Variants in MVK observed in about 807,000 individuals in gnomAD.
MVK encodes the protein LH receptor mRNA-binding protein.
Under a neutral mutation model 43.2 loss-of-function variants are expected in MVK, and 34 were observed. That is an observed-to-expected ratio of 0.79 (90% CI 0.60 to 1.05). MVK has a LOEUF of 1.05. MVK is among the 50% of genes least tolerant of loss of function. The pLI, the probability that MVK is intolerant of heterozygous loss-of-function variation, is 0.00. For synonymous variants in MVK, 190 were observed against 219.8 expected, an observed-to-expected ratio of 0.86 and a Z score of 1.20; for missense variants, 395 against 504.0, an observed-to-expected ratio of 0.78 and a Z score of 2.07.
intron 6 of MVK, 34 bp from the exon 7 acceptor site, chr12:109,586,720 C>T: frequency 6.2e-7 from 1 of 1,613,010 alleles, no homozygotes; most frequent in Non-Finnish European, 8.5e-7. Context: ...GTTAGCTTTT[C>T]CCACAGCTCT....
At position 109,596,413 on chromosome 12, in the gene MVK, T is replaced by C; in HGVS notation, c.1040-13T>C. ...GAGAGTTGTCAAGGGTGACCTGCCT[T>C]CCCTCCCCGCAGGGCTGGAGCAGCC... On this transcript the variant is annotated splice_polypyrimidine_tract_variant and intron_variant, in intron 10 of 10. Transcript: ENST00000228510. The C allele has an allele frequency of 6.2e-7, 1 of 1,612,358 alleles. No homozygotes were observed. Among genetic ancestry groups the C allele is most frequent in the South Asian group, 1.1e-5 (1 of 91,004 alleles).
intron 10 of MVK, 45 bp from the exon 11 acceptor site, chr12:109,596,381 C>T (rs755995639): frequency 1.1e-5 from 18 of 1,597,662 alleles, no homozygotes; most frequent in South Asian, 8.9e-5. Context: ...GCTTCTCCCA[C>T]GGAGCGGAGA....
Position 109,596,665 on chromosome 12 carries a change from G to A in MVK, c.*88G>A. The A allele has an allele frequency of 1.3e-6, 2 of 1,540,296 alleles. No individual in the cohort carries two copies. Among genetic ancestry groups the A allele is most frequent in the Non-Finnish European group, 8.8e-7 (1 of 1,140,374 alleles). ...AGTTCGACTCTGTGCTGGCCAGCGA[G>A]CGCCCAGCTCCTGACACTGCTGGAG... On this transcript the variant is annotated 3_prime_UTR_variant, in exon 11 of 11. Transcript: ENST00000228510.
At chr12:109,586,668 C>T in intron 6 of MVK, 86 bp from the exon 7 acceptor site, 2 of 1,498,346 alleles carry the variant, frequency 1.3e-6, no homozygotes, top group Non-Finnish European at 1.9e-6. Flanking sequence ...GCAAAATGAA[C>T]CCAACCCAAA....
intron 3 of MVK, among the ~76,000 whole-genome samples, chr12:109,578,488 G>A (rs1056593161): frequency 4.6e-5 from 7 of 152,130 alleles, no homozygotes; most frequent in African/African-American, 1.4e-4. Context: ...AGCATTCCCT[G>A]GAAGTAGGTG....
intron 2 of MVK, among the ~76,000 whole-genome samples, chr12:109,575,454 C>T (rs1490103135): frequency 6.6e-6 from 1 of 151,460 alleles, no homozygotes; most frequent in Non-Finnish European, 1.5e-5. Context: ...CAGTCTTGCT[C>T]TGTCACCGGA....
chr12:109,583,310 C>T (rs1480708546), intron 5 of MVK, among the ~76,000 whole-genome samples: 1 of 151,926 alleles, frequency 6.6e-6, no homozygotes, highest in Non-Finnish European at 1.5e-5. Context: ...CATGTGTTCT[C>T]ATTGTTCAAT....
chr12:109,590,413 T>C lies in MVK; in HGVS notation c.678-358T>C, dbSNP rs115634874. ...AGCTTTGCTTGGTGGCTTCTTACCC[T>C]TCCTCAGTTCTCAGTGTCCACGTCA... On this transcript the variant is annotated intron_variant, in intron 7 of 10. Transcript: ENST00000228510. 457 of 365,388 alleles carry C rather than the reference T, an allele frequency of 1.3e-3. 3 individuals carry two copies. The highest frequency in any genetic ancestry group is 9.1e-3 in the African/African-American group (435 of 47,572). The allele number at this position is 365,388 out of a possible 1,614,324, so 22.6% of individuals were successfully genotyped here. A position where few individuals can be genotyped will look rare whatever the true frequency, so the allele number is the denominator to read the frequency against.
At chr12:109,573,780 C>G (rs1000589004), upstream of MVK, 5 of 436,506 alleles carry the variant, frequency 1.1e-5, no homozygotes, top group Non-Finnish European at 2.1e-5. Flanking sequence ...GCCTCCTCCC[C>G]TTGAGGCACG....
intron 7 of MVK, chr12:109,588,474 A>T (rs1324485446): frequency 6.6e-6 from 1 of 152,544 alleles, no homozygotes; most frequent in Non-Finnish European, 1.5e-5. Flanking sequence ...GGAGGTTTCC[A>T]AGGGGGGCGG....
Position 109,596,722 on chromosome 12 carries a change from C to T in MVK, c.*145C>T. 1.7e-6 allele frequency: 2 copies of T among 1,199,614 alleles called. No homozygotes were observed. Among genetic ancestry groups the T allele is most frequent in the Non-Finnish European group, 2.4e-6 (2 of 844,826 alleles). The allele number at this position is 1,199,614 out of a possible 1,614,324, so 74.3% of individuals were successfully genotyped here. A position where few individuals can be genotyped will look rare whatever the true frequency, so the allele number is the denominator to read the frequency against. On this transcript the variant is annotated 3_prime_UTR_variant, in exon 11 of 11. Coordinates refer to ENST00000228510, the MANE Select transcript of MVK (RefSeq NM_000431.4). ...CAGCCGCTTGGCGATGCCAGCCAAGCTCTGCAGTCCCAGCGGTGGGACCTA... is the reference window on the plus strand; with the variant it reads ...CAGCCGCTTGGCGATGCCAGCCAAGTTCTGCAGTCCCAGCGGTGGGACCTA...
Position 109,574,831 on chromosome 12 carries a change from A to G in MVK, c.9A>G (p.Ser3=), listed in dbSNP as rs1010186559. Residue 3 remains serine, a synonymous_variant, in exon 2 of 11, where the codon TCA becomes TCG. Transcript: ENST00000228510. ...TAGGATTCCCAGGAGCCATGTTGTC[A>G]GAAGTCCTACTGGTGTCTGCTCCGG... ML[S]EVLLVSAPGK... 26 of 1,604,468 alleles carry G rather than the reference A, an allele frequency of 1.6e-5. No homozygotes were observed. The highest frequency in any genetic ancestry group is 2.1e-5 in the Non-Finnish European group (25 of 1,175,206).
At chr12:109,573,481 G>A (rs773872061), upstream of MVK, 13 of 1,601,130 alleles carry the variant, frequency 8.1e-6, no homozygotes, top group South Asian at 1.3e-4. Flanking sequence ...ACACAGCCAT[G>A]AGCCAGGCTG....
chr12:109,591,503 C>T, intron 9 of MVK, 146 bp downstream of exon 9: 1 of 767,670 alleles, frequency 1.3e-6, no homozygotes, highest in Non-Finnish European at 2.2e-6. Context: ...CTCAGCTGGG[C>T]CCAGGTCTGT....
intron 7 of MVK, chr12:109,589,536 G>T (rs1593025494): frequency 6.6e-6 from 1 of 151,486 alleles, no homozygotes. Context: ...GGAATGGCTT[G>T]TCTTAGAAGG....
At chr12:109,587,226 C>T (rs1014452266) in intron 7 of MVK, 8 of 249,774 alleles carry the variant, frequency 3.2e-5, no homozygotes, top group Middle Eastern at 1.6e-3. Context: ...ACACAAAAGC[C>T]GCCACAGGAC....
At chr12:109,584,715 T>C (rs1885362032) in intron 5 of MVK, among the ~76,000 whole-genome samples, 1 of 151,832 alleles carries the variant, frequency 6.6e-6, no homozygotes, top group Admixed American at 6.6e-5. Flanking sequence ...CAAAAACCCA[T>C]CTCTACTAAA....
At chr12:109,581,324 G>A (rs1458763738) in intron 4 of MVK, 71 bp from the exon 5 acceptor site, 70 of 1,597,752 alleles carry the variant, frequency 4.4e-5, no homozygotes, top group Non-Finnish European at 5.8e-5. Context: ...GCCTGGGCCT[G>A]GCCCCTGGTT....
At chr12:109,573,535 G>A (rs1466922571), upstream of MVK, 5 of 1,557,950 alleles carry the variant, frequency 3.2e-6, no homozygotes, top group East Asian at 4.7e-5. Flanking sequence ...CAGTCCGCGG[G>A]GTGACTCCAC....
Sources: gnomAD v4.1 joint callset for allele counts (sites outside exome capture counted in the v4.1 genomes callset) on GRCh38, gnomAD v4.1.1 for gene constraint, MANE v1.5 for transcripts, NCBI Gene and HGNC (gene_info 2026-07-23, HGNC 2026-07-21) for gene names.